Variants in HDAC4 observed in about 807,000 individuals in gnomAD.
HDAC4 encodes histone deacetylase A.
In HDAC4, 16 loss-of-function variants were observed where a neutral mutation model predicts 135.1. The ratio of observed to expected loss-of-function variants is 0.12; its 90% CI spans 0.08 to 0.18. The LOEUF is 0.18. HDAC4 is among the 10% of genes least tolerant of loss of function. The probability of loss-of-function intolerance (pLI) is 1.00; values close to 1 mark genes in which losing one functional copy is unlikely to be tolerated. For missense variants in HDAC4, 1,143 were observed against 1,511.8 expected (o/e 0.76, Z 4.05); for synonymous variants, 685 against 653.4 (o/e 1.05, Z -0.74).
At chr2:239,089,722 T>C (rs1302774489) in intron 18 of HDAC4, 1 of 414,016 alleles carries the variant, frequency 2.4e-6, no homozygotes, top group African/African-American at 2.1e-5. Flanking sequence ...CAGAAGCTCT[T>C]TGGAGCTTTT....
At position 239,126,627 on chromosome 2, in the gene HDAC4, C is replaced by T. The variant is rs1325194945; in HGVS notation, c.1362G>A (p.Val454=). Reference sequence around the variant, plus strand: ...GCCGCAGCTTGTGGATGGAGGGGGACACCCGGTCTGCACCAACCAAGGACT... The same window carrying T: ...GCCGCAGCTTGTGGATGGAGGGGGATACCCGGTCTGCACCAACCAAGGACT... ...HAQSLVGADR[V]SPSIHKLRQH... The change falls in exon 12 of 27, where the codon GTG becomes GTA. Residue 454 remains valine, a synonymous_variant. Transcript: ENST00000543185. The T allele has an allele frequency of 6.2e-7, 1 of 1,613,906 alleles. No individual in the cohort carries two copies.
intron 1 of HDAC4, among the ~76,000 whole-genome samples, chr2:239,371,477 ACACT>A (rs1159721341): frequency 8.5e-5 from 13 of 152,162 alleles, no homozygotes; most frequent in South Asian, 2.1e-4. Context: ...GCACTCACAC[ACACT>A]AACACAAACA....
At chr2:239,079,907 C>T (rs552694320) in intron 22 of HDAC4, among the ~76,000 whole-genome samples, 8 of 148,582 alleles carry the variant, frequency 5.4e-5, no homozygotes, top group South Asian at 4.1e-4. Flanking sequence ...TGCACACACA[C>T]GTATACTGCA....
At chr2:239,383,752 C>CCCGG (rs1475923657) in intron 1 of HDAC4, among the ~76,000 whole-genome samples, 10 of 152,152 alleles carry the variant, frequency 6.6e-5, no homozygotes, top group Admixed American at 2.6e-4. Flanking sequence ...CAGCTGATGG[C>CCCGG]CCCTCCCTCA....
intron 2 of HDAC4, among the ~76,000 whole-genome samples, chr2:239,241,756 G>C (rs2048186302): frequency 6.6e-6 from 1 of 152,062 alleles, no homozygotes; most frequent in Non-Finnish European, 1.5e-5. Flanking sequence ...AGGGGTTTGG[G>C]GTATGTTTTC....
intron 24 of HDAC4, among the ~76,000 whole-genome samples, chr2:239,057,947 CCAGT>C (rs1390657529): frequency 6.6e-6 from 1 of 152,206 alleles, no homozygotes; most frequent in Non-Finnish European, 1.5e-5. Context: ...AAATGAAACA[CCAGT>C]CAGTGATATA....
chr2:239,054,626 C>G (rs2031489804), intron 25 of HDAC4, 123 bp downstream of exon 25: 2 of 757,202 alleles, frequency 2.6e-6, no homozygotes, highest in African/African-American at 3.4e-5. Flanking sequence ...CTGCTGCAGG[C>G]CTGGGGAAGC....
chr2:239,348,205 C>T (rs1692855630), intron 2 of HDAC4, among the ~76,000 whole-genome samples: 2 of 149,674 alleles, frequency 1.3e-5, no homozygotes, highest in East Asian at 2.0e-4. Flanking sequence ...ACCACAGACA[C>T]GTCCCAGCAA....
At chr2:239,267,439 C>T (rs1479065823) in intron 2 of HDAC4, among the ~76,000 whole-genome samples, 1 of 152,200 alleles carries the variant, frequency 6.6e-6, no homozygotes, top group East Asian at 1.9e-4. Flanking sequence ...TGCCCAGGGT[C>T]CCCAGATACA....
At chr2:239,117,202 G>T (rs934628087) in intron 12 of HDAC4, among the ~76,000 whole-genome samples, 1 of 152,192 alleles carries the variant, frequency 6.6e-6, no homozygotes. Context: ...CAGAGAACAG[G>T]AACACAGGGT....
At chr2:239,070,753 A>C (rs2034103064) in intron 22 of HDAC4, among the ~76,000 whole-genome samples, 1 of 152,242 alleles carries the variant, frequency 6.6e-6, no homozygotes, top group Non-Finnish European at 1.5e-5. Flanking sequence ...AGCCTTTAAA[A>C]AGGGGCTTCA....
intron 2 of HDAC4, among the ~76,000 whole-genome samples, chr2:239,249,498 G>C (rs1195250913): frequency 1.3e-5 from 2 of 152,150 alleles, no homozygotes. Flanking sequence ...GATGGAACCT[G>C]CTGATTTTAA....
chr2:239,300,216 C>T (rs1049536284), intron 2 of HDAC4, among the ~76,000 whole-genome samples: 6 of 152,208 alleles, frequency 3.9e-5, no homozygotes, highest in African/African-American at 1.4e-4. Context: ...TTTACCCCAA[C>T]TGGGAAATTC....
intron 22 of HDAC4, among the ~76,000 whole-genome samples, chr2:239,071,515 T>C (rs1185655002): frequency 6.6e-6 from 1 of 152,194 alleles, no homozygotes; most frequent in Non-Finnish European, 1.5e-5. Flanking sequence ...GCAGGTGTTA[T>C]CATTCTTTGG....
intron 1 of HDAC4, among the ~76,000 whole-genome samples, chr2:239,398,251 T>C (rs928897242): frequency 4.6e-5 from 7 of 152,228 alleles, no homozygotes; most frequent in African/African-American, 1.4e-4. Flanking sequence ...CCGTTTTCAA[T>C]AGAGAATGGT....
intron 1 of HDAC4, among the ~76,000 whole-genome samples, chr2:239,357,814 G>A (rs527330864): frequency 8.1e-5 from 12 of 148,932 alleles, no homozygotes; most frequent in South Asian, 2.1e-4. Context: ...ACTTGAACCC[G>A]GGAGGTCAAG....
At chr2:239,370,450 G>A (rs1213283584) in intron 1 of HDAC4, among the ~76,000 whole-genome samples, 1 of 152,184 alleles carries the variant, frequency 6.6e-6, no homozygotes, top group Non-Finnish European at 1.5e-5. Flanking sequence ...TGTAAAACTG[G>A]ATTTGCCCAG....
chr2:239,126,386 G>A (rs2040188327), intron 12 of HDAC4, 70 bp downstream of exon 12: 1 of 1,609,532 alleles, frequency 6.2e-7, no homozygotes, highest in Non-Finnish European at 8.5e-7. Context: ...GGCCAGTGCT[G>A]AAGCCTGAGG....
At position 239,167,727 on chromosome 2, in the gene HDAC4, CTTTTTTT is replaced by C. The variant is rs76427189; in HGVS notation, c.491-3811_491-3805del. 6.9e-6 allele frequency among the ~76,000 whole-genome samples: 1 copy of C among 144,158 alleles called. No individual in the cohort carries two copies. The allele number at this position is 144,158 out of a possible 152,430, so 94.6% of individuals were successfully genotyped here. On this transcript the variant is annotated intron_variant, in intron 5 of 26. Coordinates refer to ENST00000543185, the MANE Select transcript of HDAC4 (RefSeq NM_001378414.1). The surrounding 1 kb of genome is among the most constrained non-coding windows in gnomAD (Gnocchi z 4.1). ...CAGATCTCCCTAATTTTTACTTTTA[CTTTTTTT>C]TTTTTTTTCTTAATTCACATTGAGT...
Sources: gnomAD v4.1 joint callset for allele counts (sites outside exome capture counted in the v4.1 genomes callset) on GRCh38, gnomAD v4.1.1 for gene constraint, Gnocchi (gnomAD v3.1) non-coding constraint, MANE v1.5 for transcripts, NCBI Gene and HGNC (gene_info 2026-07-23, HGNC 2026-07-21) for gene names.